Variants in ERP27 observed in about 807,000 individuals in gnomAD.
ERP27 encodes the protein endoplasmic reticulum protein 27.
ERP27 carries 23 observed loss-of-function variants against 27.7 expected under a neutral mutation model. The ratio of observed to expected loss-of-function variants is 0.83; its 90% CI spans 0.60 to 1.18. The LOEUF is 1.18. Ranked by LOEUF, ERP27 falls within the 50% of genes most tolerant of loss-of-function variation. The pLI, the probability that ERP27 is intolerant of heterozygous loss-of-function variation, is 0.00. For missense variants in ERP27, 363 were observed against 327.9 expected (o/e 1.11, Z -0.83); for synonymous variants, 159 against 118.3 (o/e 1.34, Z -2.23).
chr12:14,930,615 G>A (rs1863683563), intron 3 of ERP27, among the ~76,000 whole-genome samples: 1 of 132,450 alleles, frequency 7.6e-6, no homozygotes. Context: ...CAGCAAGACT[G>A]TTATATGCAA....
At chr12:14,937,826 T>G in intron 2 of ERP27, 126 bp downstream of exon 2, 2 of 683,860 alleles carry the variant, frequency 2.9e-6, no homozygotes, top group South Asian at 1.9e-5. Flanking sequence ...GAAATCAAAC[T>G]GGGTGGCTGT....
At chr12:14,915,716 T>C in intron 5 of ERP27, 30 bp from the exon 6 acceptor site, 1 of 1,603,510 alleles carries the variant, frequency 6.2e-7, no homozygotes, top group African/African-American at 1.3e-5. Flanking sequence ...AAAGAAAAAG[T>C]TCTATCTGAG....
intron 5 of ERP27, 102 bp downstream of exon 5, chr12:14,917,076 C>T: frequency 7.2e-7 from 1 of 1,395,892 alleles, no homozygotes; most frequent in Non-Finnish European, 9.9e-7. Flanking sequence ...ATCTCCTAAC[C>T]ATAGTTGTTT....
intron 3 of ERP27, among the ~76,000 whole-genome samples, chr12:14,934,079 A>G (rs1219491742): frequency 1.3e-5 from 2 of 152,180 alleles, no homozygotes; most frequent in Non-Finnish European, 2.9e-5. Flanking sequence ...TTTTCCCCAC[A>G]ATACGATTTT....
intron 3 of ERP27, among the ~76,000 whole-genome samples, chr12:14,926,934 T>C (rs1158725709): frequency 6.6e-6 from 1 of 152,210 alleles, no homozygotes; most frequent in Non-Finnish European, 1.5e-5. Flanking sequence ...CCTTTTACTA[T>C]TTTCCTTAGT....
intron 5 of ERP27, among the ~76,000 whole-genome samples, chr12:14,916,302 T>C (rs902907841): frequency 6.6e-6 from 1 of 152,202 alleles, no homozygotes; most frequent in Non-Finnish European, 1.5e-5. Context: ...AAGTATAGCC[T>C]AATGGTTAGG....
At chr12:14,925,527 T>C (rs1019054076) in intron 3 of ERP27, among the ~76,000 whole-genome samples, 5 of 152,190 alleles carry the variant, frequency 3.3e-5, no homozygotes, top group African/African-American at 1.2e-4. Context: ...TGTTCTTAAT[T>C]CTTCTCTAAA....
intron 3 of ERP27, among the ~76,000 whole-genome samples, chr12:14,926,489 C>A (rs1863604925): frequency 6.6e-6 from 1 of 152,122 alleles, no homozygotes. Flanking sequence ...TCTATGTATT[C>A]CAAATGCTAT....
At chr12:14,937,236 G>T (rs1260380958) in intron 2 of ERP27, among the ~76,000 whole-genome samples, 2 of 152,190 alleles carry the variant, frequency 1.3e-5, no homozygotes, top group African/African-American at 4.8e-5. Context: ...GTAATCAGGA[G>T]TTGTAACTGA....
rs567313684 is a variant in ERP27 at position 14,923,912 on chromosome 12, T to C, written c.334-2864A>G. 1.1e-4 allele frequency among the ~76,000 whole-genome samples: 17 copies of C among 152,286 alleles called. 1 individual carries two copies. In the South Asian group the frequency reaches 3.5e-3, roughly 32 times the overall value. On this transcript the variant is annotated intron_variant, in intron 3 of 6. Coordinates refer to ENST00000266397, the MANE Select transcript of ERP27 (RefSeq NM_152321.4). ...AATTACAATACAATATTGTTGACTATACTCACCCTACTGTGCAATAGAATA... is the reference window on the plus strand; with the variant it reads ...AATTACAATACAATATTGTTGACTACACTCACCCTACTGTGCAATAGAATA...
At chr12:14,915,726 G>T in intron 5 of ERP27, 40 bp from the exon 6 acceptor site, 1 of 1,581,410 alleles carries the variant, frequency 6.3e-7, no homozygotes, top group Non-Finnish European at 8.7e-7. Flanking sequence ...TTCTATCTGA[G>T]GTGACGTCCA....
rs78379263 is a variant in ERP27, at chr12:14,919,080, G to A, written c.451-1777C>T. Reference sequence around the variant, plus strand: ...TGAGTGTGTGCATTAAAAGTGCGTGGCAGGTCAGGTGCATGGCTGGGATTT... The same window carrying A: ...TGAGTGTGTGCATTAAAAGTGCGTGACAGGTCAGGTGCATGGCTGGGATTT... On this transcript the variant is annotated intron_variant, in intron 4 of 6. Coordinates refer to ENST00000266397, the MANE Select transcript of ERP27 (RefSeq NM_152321.4). Among the ~76,000 whole-genome samples the A allele has an allele frequency of 7.1e-3, 1,085 of 152,284 alleles. 23 individuals are homozygous for A. Among genetic ancestry groups the A allele is most frequent in the East Asian group, 0.033 (172 of 5,178 alleles).
In ERP27 at chr12:14,915,521, AG is replaced by A. The variant is rs1863394579; in HGVS notation, c.741del (p.Cys249ValfsTer5). 1 of 1,614,134 alleles carries A rather than the reference AG, an allele frequency of 6.2e-7. No individual in the cohort carries two copies. The highest frequency in any genetic ancestry group is 8.5e-7 in the Non-Finnish European group (1 of 1,179,956). On this transcript the variant is annotated frameshift_variant, in exon 6 of 7. Transcript: ENST00000266397. LOFTEE classifies it high-confidence loss of function. Reference protein sequence around the residue: ...TAEVSVEHVQNFCDGFLSGKL... With the variant: ...TAEVSVEHVQXFCDGFLSGKL... ...TTTCCACTTAGGAATCCATCACAAAAGTTTTGCACATGCTCTACGGAAACTT... is the reference window on the plus strand; with the variant it reads ...TTTCCACTTAGGAATCCATCACAAAATTTTGCACATGCTCTACGGAAACTT...
At chr12:14,918,763 G>C (rs1863453587) in intron 4 of ERP27, among the ~76,000 whole-genome samples, 1 of 152,188 alleles carries the variant, frequency 6.6e-6, no homozygotes, top group Non-Finnish European at 1.5e-5. Flanking sequence ...ATGTAGGCAA[G>C]GAGGGCCCAG....
rs74642974 is a variant in ERP27, at chr12:14,921,109, G to A, written c.334-61C>T. ...ATCTTTTTTTCATGTATTGATAAAC[G>A]TCTTTAGACCCCCATGTGACAGGCA... On this transcript the variant is annotated intron_variant, in intron 3 of 6. Transcript: ENST00000266397. The A allele has an allele frequency of 1.1e-4, 156 of 1,359,738 alleles. 2 individuals are homozygous for A. The African/African-American group carries it at 1.7e-3, about 15-fold the overall frequency. The allele number at this position is 1,359,738 out of a possible 1,614,324, so 84.2% of individuals were successfully genotyped here.
chr12:14,929,241 C>T (rs774032623), intron 3 of ERP27: 11 of 865,944 alleles, frequency 1.3e-5, no homozygotes, highest in Non-Finnish European at 1.7e-5. Flanking sequence ...TTAAAGAATG[C>T]ACTAAATTGG....
intron 3 of ERP27, among the ~76,000 whole-genome samples, chr12:14,926,069 CAA>C (rs35554311): frequency 3.6e-5 from 5 of 139,242 alleles, no homozygotes; most frequent in African/African-American, 1.1e-4. Context: ...ACTCTGTCTC[CAA>C]AAAAAAAAAA....
intron 5 of ERP27, 152 bp downstream of exon 5, chr12:14,917,026 C>G (rs1863420699): frequency 1.2e-6 from 1 of 842,368 alleles, no homozygotes; most frequent in Non-Finnish European, 1.8e-6. Context: ...TCTCTAATTT[C>G]AAATAATGTG....
Position 14,938,505 on chromosome 12 carries a change from C to T in ERP27, c.4G>A (p.Glu2Lys). Residue 2 changes from glutamate (E) to lysine (K), a missense_variant, in exon 1 of 7, where the codon GAA (glutamate) becomes AAA (lysine). Transcript: ENST00000266397. The stretch of plus-strand genomic sequence containing the variant: ...AACATGAACCTGGACGGGGCAGCTT[C>T]CATTGTCCCTCTCCTGCTCCTGCTC... M[E>K]AAPSRFMFLL... 6.2e-7 allele frequency: 1 copy of T among 1,609,836 alleles called. No individual in the cohort carries two copies. The highest frequency in any genetic ancestry group is 8.5e-7 in the Non-Finnish European group (1 of 1,178,028).
Sources: allele counts gnomAD v4.1 joint callset (sites outside exome capture counted in the v4.1 genomes callset), GRCh38; gene constraint gnomAD v4.1.1; transcripts MANE v1.5; gene names NCBI Gene and HGNC (gene_info 2026-07-23, HGNC 2026-07-21).